The following NRXN2 variants were observed in gnomAD, a reference collection of about 807,000 sequenced individuals.
NRXN2 encodes neurexin 2.
A neutral mutation model predicts 128.8 loss-of-function variants in NRXN2; 29 were observed. The observed-to-expected ratio is 0.23, with a 90% confidence interval of 0.17 to 0.31. The LOEUF (loss-of-function observed/expected upper bound fraction) is 0.31, where lower values mean the gene tolerates loss of function less well. Ranked by LOEUF, NRXN2 falls within the 10% of genes least tolerant of loss-of-function variation. The pLI is 1.00. For synonymous variants in NRXN2, 1,098 were observed against 1,075.2 expected (o/e 1.02, Z -0.41); for missense variants, 1,881 against 2,452.6 (o/e 0.77, Z 4.92).
chr11:64,606,278 G>A lies in NRXN2; in HGVS notation c.*918C>T, dbSNP rs940505253. 1 of 152,548 alleles carries A rather than the reference G, an allele frequency of 6.6e-6. No homozygotes were observed. The highest frequency in any genetic ancestry group is 2.4e-5 in the African/African-American group (1 of 41,434). The allele number at this position is 152,548 out of a possible 1,614,324, so 9.4% of individuals were successfully genotyped here. ...GTTAACAAAGAGAGAAAAAAAACTGGGGGAGCAGGGAGCCCGTGGGCAAAG... is the reference window on the plus strand; with the variant it reads ...GTTAACAAAGAGAGAAAAAAAACTGAGGGAGCAGGGAGCCCGTGGGCAAAG... On this transcript the variant is annotated 3_prime_UTR_variant, in exon 23 of 23. Transcript: ENST00000265459.
rs1049715062 is a variant in NRXN2 at position 64,700,065 on chromosome 11, T to C, written c.731-2273A>G. ...TCACATATCTCTCTTCCTCTGCTGC[T>C]CTTTGCTTTCTGCTGATTCACCTAT... is the stretch of plus-strand genomic sequence containing the variant. On this transcript the variant is annotated intron_variant, in intron 2 of 22. Transcript: ENST00000265459. 9.2e-5 allele frequency among the ~76,000 whole-genome samples: 14 copies of C among 152,178 alleles called. 1 individual carries two copies. The highest frequency in any genetic ancestry group is 7.9e-4 in the Admixed American group (12 of 15,274).
Position 64,626,473 on chromosome 11 carries a change from C to T in NRXN2, c.3837G>A (p.Leu1279=), listed in dbSNP as rs754923969. Residue 1279 remains leucine, a synonymous_variant, in exon 20 of 23, where the codon CTG becomes CTA. Transcript: ENST00000265459. ...ATTCTGGTTAATTACCTTTGTCGAG[C>T]AGCCACTCATCTACTACTCGACCAA... The part of the protein sequence containing the change: ...YRLGRVVDEW[L]LDKGRQLTIF... The T allele has an allele frequency of 7.5e-6, 12 of 1,610,310 alleles. No homozygotes were observed. In the African/African-American group the frequency reaches 1.5e-4, roughly 20 times the overall value.
chr11:64,713,582 G>A lies in NRXN2; in HGVS notation c.118C>T (p.Arg40Cys), dbSNP rs903136095. 1.7e-5 allele frequency: 24 copies of A among 1,382,060 alleles called. No homozygotes were observed. In the African/African-American group the frequency reaches 3.5e-4, roughly 20 times the overall value. 85.6% of individuals were successfully genotyped at this position (1,382,060 alleles called of 1,614,324 possible). The change falls in exon 2 of 23, where the codon CGC becomes TGC. Residue 40 changes from arginine (R) to cysteine (C), a missense_variant. Arg to Cys is a radical substitution (Grantham distance 180). This residue lies in a region of NRXN2 where 997 missense variants were observed against 1,240.8 expected (regional missense o/e 0.80). Coordinates refer to ENST00000265459, the MANE Select transcript of NRXN2 (RefSeq NM_015080.4). Reference sequence around the variant, plus strand: ...GCCGCGCCCGCCCAGCGCGCGTAGCGAGCCCACTGCCCGGGGCCGCCGCCG... The same window carrying A: ...GCCGCGCCCGCCCAGCGCGCGTAGCAAGCCCACTGCCCGGGGCCGCCGCCG... ...EFGGGPGQWARYARWAGAASS... is the reference protein window; with the variant it reads ...EFGGGPGQWACYARWAGAASS...
chr11:64,703,340 G>A (rs1053690727), intron 2 of NRXN2, among the ~76,000 whole-genome samples: 1 of 151,916 alleles, frequency 6.6e-6, no homozygotes, highest in Middle Eastern at 3.4e-3. Flanking sequence ...TACGCCCATT[G>A]TTCCTTTACC....
chr11:64,653,777 GTT>G (rs563198102), intron 11 of NRXN2, 55 bp from the exon 12 acceptor site: 1,600 of 1,022,772 alleles, frequency 1.6e-3, no homozygotes, highest in Non-Finnish European at 1.8e-3. Context: ...GGTAAAACAA[GTT>G]TTTTTTTTTT....
intron 5 of NRXN2, chr11:64,688,337 G>A (rs2135574650): frequency 2.7e-5 from 27 of 985,422 alleles, no homozygotes; most frequent in Non-Finnish European, 2.9e-5. Flanking sequence ...GGCCTGAGGA[G>A]CAGCCAAAGA....
Position 64,660,962 on chromosome 11 carries a change from C to T in NRXN2, c.1976G>A (p.Arg659Gln), listed in dbSNP as rs899404152. ...ALRAGYVGCV[R>Q]DLFIDGRSRD... ...GCTACGCCCATCTATGAAGAGGTCC[C>T]GCACACAGCCCACGTAGCCTGCCCG... The change falls in exon 10 of 23, where the codon CGG (arginine) becomes CAG (glutamine). Residue 659 changes from arginine (R) to glutamine (Q), a missense_variant. This residue lies in a region of NRXN2 where 997 missense variants were observed against 1,240.8 expected (regional missense o/e 0.80). Transcript: ENST00000265459. The surrounding 1 kb of genome is among the most constrained non-coding windows in gnomAD (Gnocchi z 5.2). 9 of 1,613,760 alleles carry T rather than the reference C, an allele frequency of 5.6e-6. No individual in the cohort carries two copies. Among genetic ancestry groups the T allele is most frequent in the Admixed American group, 1.7e-5 (1 of 60,008 alleles).
At chr11:64,627,412 C>T (rs1224550703) in intron 19 of NRXN2, among the ~76,000 whole-genome samples, 1 of 151,802 alleles carries the variant, frequency 6.6e-6, no homozygotes, top group Non-Finnish European at 1.5e-5. Flanking sequence ...TCTGCACCCT[C>T]CTCTGCCCCG....
At position 64,651,917 on chromosome 11, in the gene NRXN2, G is replaced by A; in HGVS notation, c.2536+118C>T. The A allele has an allele frequency of 1.3e-6, 2 of 1,494,730 alleles. No homozygotes were observed. The highest frequency in any genetic ancestry group is 4.5e-5 in the East Asian group (2 of 44,316). 92.6% of individuals were successfully genotyped at this position (1,494,730 alleles called of 1,614,324 possible). A position where few individuals can be genotyped will look rare whatever the true frequency, so the allele number is the denominator to read the frequency against. On this transcript the variant is annotated intron_variant, in intron 13 of 22. Coordinates refer to ENST00000265459, the MANE Select transcript of NRXN2 (RefSeq NM_015080.4). This position sits in a 1 kb window ranked among gnomAD's most constrained non-coding sequence, Gnocchi z 5.9. ...CCACCCCTGAAGGAGAAATGGCAGA[G>A]GCAGCTTGCCAGAACACTGCCCTAG...
rs1282624863 is a variant in NRXN2 at position 64,622,833 on chromosome 11, T to C, written c.4093A>G (p.Ile1365Val). 1 of 1,612,600 alleles carries C rather than the reference T, an allele frequency of 6.2e-7. No homozygotes were observed. The highest frequency in any genetic ancestry group is 8.5e-7 in the Non-Finnish European group (1 of 1,179,912). Residue 1365 changes from isoleucine to valine, a missense_variant, in exon 21 of 23, where the codon ATC becomes GTC. Transcript: ENST00000265459. The surrounding 1 kb of genome is among the most constrained non-coding windows in gnomAD (Gnocchi z 4.3). ...GCCATGGTGGTGGTAGTCTCCATGA[T>C]GGTGGTGGCCATGTCAGCCAGCAGG... ...TTLLADMATT[I>V]METTTTMATT...
chr11:64,663,304 T>C (rs1363089918), intron 9 of NRXN2, among the ~76,000 whole-genome samples: 1 of 151,276 alleles, frequency 6.6e-6, no homozygotes, highest in East Asian at 1.9e-4. Context: ...GAGGCAGAGG[T>C]TGCAGTGAGC....
chr11:64,692,940 G>C, intron 3 of NRXN2, 64 bp from the exon 4 acceptor site: 1 of 1,397,870 alleles, frequency 7.2e-7, no homozygotes, highest in Non-Finnish European at 1.0e-6. Flanking sequence ...AAAGAAAAGG[G>C]GAAAGAAACA....
In NRXN2 at chr11:64,713,131, G is replaced by T. The variant is rs1473944899; in HGVS notation, c.569C>A (p.Ala190Glu). 2.8e-6 allele frequency: 4 copies of T among 1,433,632 alleles called. No individual in the cohort carries two copies. In the East Asian group the frequency reaches 1.2e-4, roughly 45 times the overall value. The allele number at this position is 1,433,632 out of a possible 1,614,324, so 88.8% of individuals were successfully genotyped here. The change falls in exon 2 of 23, where the codon GCG (alanine) becomes GAG (glutamate). Residue 190 changes from alanine (A) to glutamate (E), a missense_variant. Physicochemically the swap from Ala to Glu is moderately radical, Grantham distance 107 (BLOSUM62 -1). Around this residue, in one of 7 missense-constraint regions of NRXN2, gnomAD observed 997 missense variants for 1,240.8 expected, o/e 0.80. Transcript: ENST00000265459. ...GCGCAGGCCCTGGCTGCCCAGCAGC[G>T]CGGGGGGCCGCTCGCCCAGCTTCAG... ...ANLKLGERPPALLGSQGLRGA... is the reference protein window; with the variant it reads ...ANLKLGERPPELLGSQGLRGA...
At position 64,623,298 on chromosome 11, in the gene NRXN2, G is replaced by C; in HGVS notation, c.3848-220C>G. 1 of 742,342 alleles carries C rather than the reference G, an allele frequency of 1.3e-6. No individual in the cohort carries two copies. The highest frequency in any genetic ancestry group is 2.1e-6 in the Non-Finnish European group (1 of 470,510). 46.0% of individuals were successfully genotyped at this position (742,342 alleles called of 1,614,324 possible). ...CCCAGCCAGGTGGGGACCCCAGAAG[G>C]GGAGGGCACCCAGGGTACACATGGG... On this transcript the variant is annotated intron_variant, in intron 20 of 22. Coordinates refer to ENST00000265459, the MANE Select transcript of NRXN2 (RefSeq NM_015080.4). This position sits in a 1 kb window ranked among gnomAD's most constrained non-coding sequence, Gnocchi z 4.9.
intron 15 of NRXN2, among the ~76,000 whole-genome samples, chr11:64,649,335 G>A (rs1333723791): frequency 1.3e-5 from 2 of 152,040 alleles, no homozygotes; most frequent in Non-Finnish European, 2.9e-5. Context: ...CTCTCTCCTA[G>A]GGAGTTCAAA....
intron 22 of NRXN2, among the ~76,000 whole-genome samples, chr11:64,612,980 G>A (rs2040907359): frequency 6.6e-6 from 1 of 152,202 alleles, no homozygotes; most frequent in Admixed American, 6.5e-5. Context: ...CAGAGCCCTG[G>A]GCAGATATCA....
Position 64,651,615 on chromosome 11 carries a change from A to C in NRXN2, c.2558T>G (p.Met853Arg). The change falls in exon 14 of 23, where the codon ATG becomes AGG. Residue 853 changes from methionine (M) to arginine (R), a missense_variant. Physicochemically the swap from Met to Arg is moderately conservative, Grantham distance 91 (BLOSUM62 -1). Transcript: ENST00000265459. The surrounding 1 kb of genome is among the most constrained non-coding windows in gnomAD (Gnocchi z 5.9). ...TVEGQMAGAH[M>R]RLEFHNIETG... ...CTCAATGTTGTGGAACTCCAGCCGC[A>C]TATGGGCTCCTGCCATCTGTCCTGC... 1.2e-6 allele frequency: 2 copies of C among 1,614,028 alleles called. No homozygotes were observed. Among genetic ancestry groups the C allele is most frequent in the Non-Finnish European group, 1.7e-6 (2 of 1,179,990 alleles).
In NRXN2 at chr11:64,631,765, G is replaced by T. The variant is rs1005092283; in HGVS notation, c.3586-1192C>A. Among the ~76,000 whole-genome samples, 21 of 152,148 alleles carry T rather than the reference G, an allele frequency of 1.4e-4. No individual in the cohort carries two copies. The highest frequency in any genetic ancestry group is 5.1e-4 in the African/African-American group (21 of 41,406). ...GGGGTGTGGGATGATCCAAGAGGCT[G>T]CTGAGGCCTACCTTCAACACCAAAG... On this transcript the variant is annotated intron_variant, in intron 18 of 22. Transcript: ENST00000265459. This position sits in a 1 kb window ranked among gnomAD's most constrained non-coding sequence, Gnocchi z 4.8.
At chr11:64,679,910 C>T (rs2051953407) in intron 6 of NRXN2, among the ~76,000 whole-genome samples, 1 of 152,170 alleles carries the variant, frequency 6.6e-6, no homozygotes, top group Admixed American at 6.5e-5. Flanking sequence ...GGGTACACAG[C>T]AGCCCAGGCC....
Sources: allele counts gnomAD v4.1 joint callset (sites outside exome capture counted in the v4.1 genomes callset), GRCh38; gene constraint gnomAD v4.1.1; regional missense constraint gnomAD v4.1.1; non-coding constraint Gnocchi (gnomAD v3.1); transcripts MANE v1.5; gene names NCBI Gene and HGNC (gene_info 2026-07-23, HGNC 2026-07-21).